The following SLC43A2 variants were observed in gnomAD, a reference collection of about 807,000 sequenced individuals.
SLC43A2 encodes solute carrier family 43 member 2.
In SLC43A2, 38 loss-of-function variants were observed where a neutral mutation model predicts 63.2. The ratio of observed to expected loss-of-function variants is 0.60; its 90% CI spans 0.46 to 0.79. The LOEUF (loss-of-function observed/expected upper bound fraction) is 0.79, where lower values mean the gene tolerates loss of function less well. SLC43A2 is among the 30% of genes least tolerant of loss of function. The pLI is 0.00. For missense variants in SLC43A2, 644 were observed against 756.2 expected, an observed-to-expected ratio of 0.85 and a Z score of 1.74; for synonymous variants, 322 against 331.0, an observed-to-expected ratio of 0.97 and a Z score of 0.30.
chr17:1,586,929 C>CCCCCCCCCCCCCCCCCT, intron 9 of SLC43A2: 2 of 657,348 alleles, frequency 3.0e-6, no homozygotes, highest in Non-Finnish European at 4.9e-6. Flanking sequence ...CCCTGACAAT[C>CCCCCCCCCCCCCCCCCT]CCCCCCACCC....
intron 5 of SLC43A2, among the ~76,000 whole-genome samples, chr17:1,610,014 A>T (rs1906955743): frequency 6.6e-6 from 1 of 151,780 alleles, no homozygotes; most frequent in Non-Finnish European, 1.5e-5. Context: ...GGTTCAAGCG[A>T]TTCTCCTGCC....
Position 1,577,416 on chromosome 17 carries a change from C to T in SLC43A2, c.1425-696G>A, listed in dbSNP as rs957217232. 5.3e-5 allele frequency among the ~76,000 whole-genome samples: 8 copies of T among 152,106 alleles called. No homozygotes were observed. Among genetic ancestry groups the T allele is most frequent in the African/African-American group, 1.4e-4 (6 of 41,380 alleles). Reference sequence around the variant, plus strand: ...CGCGGAAACTCAGCACCACAGATCCCGCCCCCCTCCCTCAGACCCTGCCAG... The same window carrying T: ...CGCGGAAACTCAGCACCACAGATCCTGCCCCCCTCCCTCAGACCCTGCCAG... On this transcript the variant is annotated intron_variant, in intron 12 of 13. Transcript: ENST00000301335. The surrounding 1 kb of genome is among the most constrained non-coding windows in gnomAD (Gnocchi z 4.9).
rs1376928142 is a variant in SLC43A2, at chr17:1,589,224, G to A, written c.1078+1578C>T. ...TTCTCAGACAGCTTGAGTAAAAGAC[G>A]CTGACTCAGCAGCAGGGAGATGAGC... On this transcript the variant is annotated intron_variant, in intron 9 of 13. Coordinates refer to ENST00000301335, the MANE Select transcript of SLC43A2 (RefSeq NM_152346.3). Among the ~76,000 whole-genome samples, 12 of 152,304 alleles carry A rather than the reference G, an allele frequency of 7.9e-5. No individual in the cohort carries two copies. The East Asian group carries it at 1.7e-3, about 22-fold the overall frequency.
At chr17:1,588,654 C>T (rs1342764675) in intron 9 of SLC43A2, among the ~76,000 whole-genome samples, 1 of 137,918 alleles carries the variant, frequency 7.3e-6, no homozygotes, top group Non-Finnish European at 1.5e-5. Context: ...CTATCAGTTG[C>T]ACCACTGCAC....
At chr17:1,582,236 T>C (rs948919912) in intron 11 of SLC43A2, among the ~76,000 whole-genome samples, 2 of 151,988 alleles carry the variant, frequency 1.3e-5, no homozygotes, top group Non-Finnish European at 2.9e-5. Context: ...TGTGCCACCA[T>C]GCCCAGCTAA....
chr17:1,601,896 G>A (rs1167333541), intron 5 of SLC43A2, among the ~76,000 whole-genome samples: 1 of 146,098 alleles, frequency 6.8e-6, no homozygotes, highest in Non-Finnish European at 1.5e-5. Flanking sequence ...AGGTGCTACT[G>A]AGCCAGAGTC....
chr17:1,629,627 A>C (rs1184837924), upstream of SLC43A2, among the ~76,000 whole-genome samples: 4 of 152,152 alleles, frequency 2.6e-5, no homozygotes. Context: ...GTGTTCACGC[A>C]CTGCTCGGTC....
chr17:1,579,448 T>A (rs1292339130), intron 11 of SLC43A2, among the ~76,000 whole-genome samples: 5 of 149,958 alleles, frequency 3.3e-5, no homozygotes, highest in Non-Finnish European at 5.9e-5. Flanking sequence ...GTGACAGAGC[T>A]AGACTCTGTC....
At chr17:1,626,587 C>T (rs1336300410) in intron 2 of SLC43A2, among the ~76,000 whole-genome samples, 1 of 152,182 alleles carries the variant, frequency 6.6e-6, no homozygotes, top group African/African-American at 2.4e-5. Flanking sequence ...CTGGGACACA[C>T]AGGAATCTCC....
At chr17:1,587,085 ACACTGCGTTTCCCG>A (rs71148497) in intron 9 of SLC43A2, 4 of 696,940 alleles carry the variant, frequency 5.7e-6, no homozygotes, top group South Asian at 4.1e-5. Flanking sequence ...TGCATTTCCC[ACACTGCGTTTCCCG>A]CACTGCATTT....
In SLC43A2 at chr17:1,615,600, T is replaced by G. The variant is rs1258095697; in HGVS notation, c.369-566A>C. On this transcript the variant is annotated intron_variant, in intron 3 of 13. Transcript: ENST00000301335. ...GGCTCACGCCTGTAATCCCAGCACTTTGGGAGGCCGAGGCGGGCAGATCAC... is the reference window on the plus strand; with the variant it reads ...GGCTCACGCCTGTAATCCCAGCACTGTGGGAGGCCGAGGCGGGCAGATCAC... Among the ~76,000 whole-genome samples, 18 of 149,348 alleles carry G rather than the reference T, an allele frequency of 1.2e-4. No individual in the cohort carries two copies. In the South Asian group the frequency reaches 3.8e-3, roughly 32 times the overall value.
chr17:1,611,627 CAAA>C (rs11377420), intron 5 of SLC43A2, among the ~76,000 whole-genome samples: 5 of 120,506 alleles, frequency 4.1e-5, no homozygotes, highest in African/African-American at 2.9e-5. Flanking sequence ...CGAGCAGACT[CAAA>C]AAAAAAAAAA....
At chr17:1,627,671 C>G in intron 2 of SLC43A2, 44 bp downstream of exon 2, 5 of 1,129,834 alleles carry the variant, frequency 4.4e-6, no homozygotes, top group Non-Finnish European at 4.7e-6. Flanking sequence ...CCTCCCAAAG[C>G]CCCAGCTCCA....
intron 2 of SLC43A2, among the ~76,000 whole-genome samples, chr17:1,625,173 C>T (rs2151084387): frequency 6.6e-6 from 1 of 152,284 alleles, no homozygotes; most frequent in African/African-American, 2.4e-5. Context: ...CAACTTCCCG[C>T]ACCCAGGTCC....
At chr17:1,622,456 TGG>T (rs1346508861) in intron 2 of SLC43A2, among the ~76,000 whole-genome samples, 2 of 151,438 alleles carry the variant, frequency 1.3e-5, no homozygotes, top group African/African-American at 2.4e-5. Context: ...TCCCAGCTAC[TGG>T]GGAGGCTGAG....
chr17:1,627,652 A>AG, intron 2 of SLC43A2, 63 bp downstream of exon 2: 49 of 227,088 alleles, frequency 2.2e-4, no homozygotes, highest in Middle Eastern at 1.5e-3. Flanking sequence ...CTTCGCCCCC[A>AG]TCCCGCCCCC....
intron 3 of SLC43A2, chr17:1,616,340 G>A (rs570786008): frequency 2.9e-5 from 16 of 556,562 alleles, no homozygotes; most frequent in Middle Eastern, 4.7e-4. Context: ...GTCCCTGGGC[G>A]GCCTGGAGCC....
At chr17:1,629,204 C>A (rs1219170179), upstream of SLC43A2, among the ~76,000 whole-genome samples, 2 of 151,752 alleles carry the variant, frequency 1.3e-5, no homozygotes, top group African/African-American at 4.8e-5. Context: ...GGGCCACCAG[C>A]GCCCCCAGCC....
At chr17:1,600,135 AAT>A (rs546467041) in intron 5 of SLC43A2, among the ~76,000 whole-genome samples, 10,643 of 47,792 alleles carry the variant, frequency 0.22, 1,442 homozygotes, top group Admixed American at 0.28. Flanking sequence ...ATATTAATTG[AAT>A]ATATATATAT....
Sources: gnomAD v4.1 joint callset for allele counts (sites outside exome capture counted in the v4.1 genomes callset) on GRCh38, gnomAD v4.1.1 for gene constraint, Gnocchi (gnomAD v3.1) non-coding constraint, MANE v1.5 for transcripts, NCBI Gene and HGNC (gene_info 2026-07-23, HGNC 2026-07-21) for gene names.